Variants in MYO16 observed in about 807,000 individuals in gnomAD.
MYO16 encodes unconventional myosin-XVI.
In MYO16, 94 loss-of-function variants were observed where a neutral mutation model predicts 205.3. The ratio of observed to expected loss-of-function variants is 0.46; its 90% confidence interval spans 0.39 to 0.54. The LOEUF is 0.54. Ranked by LOEUF, MYO16 falls within the 20% of genes least tolerant of loss-of-function variation. The pLI is 0.00. For missense variants in MYO16, 2,315 were observed against 2,387.5 expected, an observed-to-expected ratio of 0.97 and a Z score of 0.63; for synonymous variants, 988 against 954.0, an observed-to-expected ratio of 1.04 and a Z score of -0.66.
chr13:108,721,850 T>C (rs1300108585), intron 3 of MYO16, among the ~76,000 whole-genome samples: 1 of 152,094 alleles, frequency 6.6e-6, no homozygotes, highest in Non-Finnish European at 1.5e-5. Context: ...GAAGTGGAAA[T>C]TGGGCTGGGT....
chr13:109,076,060 G>T (rs369573873), intron 27 of MYO16, among the ~76,000 whole-genome samples: 4 of 152,026 alleles, frequency 2.6e-5, no homozygotes, highest in African/African-American at 9.7e-5. Flanking sequence ...TCTGTGAGTG[G>T]GTACCAGTAC....
At chr13:108,556,087 A>T in the MYO16 span, among the ~76,000 whole-genome samples, 1 of 152,200 alleles carries the variant, frequency 6.6e-6, no homozygotes, top group African/African-American at 2.4e-5. Flanking sequence ...ATTATGAATA[A>T]TGATGCAATG....
intron 25 of MYO16, chr13:109,054,309 G>A (rs1362101452): frequency 2.5e-6 from 1 of 403,646 alleles, no homozygotes; most frequent in South Asian, 1.8e-5. Context: ...TTTACAGATA[G>A]GTAATTTAGT....
intron 14 of MYO16, among the ~76,000 whole-genome samples, chr13:108,895,071 C>T (rs1003053017): frequency 6.6e-6 from 1 of 152,048 alleles, no homozygotes; most frequent in South Asian, 2.1e-4. Flanking sequence ...GGGTTGATAT[C>T]GATTGAGTTA....
the MYO16 span, among the ~76,000 whole-genome samples, chr13:108,533,080 A>G: frequency 6.6e-6 from 1 of 152,166 alleles, no homozygotes; most frequent in African/African-American, 2.4e-5. Flanking sequence ...CTTTCAAATT[A>G]TGAAGCATGG....
At chr13:109,105,199 A>G (rs1342952671) in intron 28 of MYO16, among the ~76,000 whole-genome samples, 1 of 152,276 alleles carries the variant, frequency 6.6e-6, no homozygotes, top group Non-Finnish European at 1.5e-5. Context: ...GGCTGGGCGC[A>G]GTGGCTCATG....
intron 2 of MYO16, among the ~76,000 whole-genome samples, chr13:108,675,864 C>CT: frequency 1.3e-5 from 2 of 152,324 alleles, no homozygotes; most frequent in Middle Eastern, 6.8e-3. Flanking sequence ...GATCTGTACT[C>CT]TGATACTTAA....
intron 3 of MYO16, among the ~76,000 whole-genome samples, chr13:108,715,904 G>T (rs1883925333): frequency 6.6e-6 from 1 of 152,162 alleles, no homozygotes; most frequent in Non-Finnish European, 1.5e-5. Context: ...ATAATTAATG[G>T]AATATGTGGC....
intron 4 of MYO16, among the ~76,000 whole-genome samples, chr13:108,754,916 G>A (rs1885371889): frequency 6.6e-6 from 1 of 152,012 alleles, no homozygotes; most frequent in Non-Finnish European, 1.5e-5. Context: ...AAACACAGCA[G>A]GACCATATAC....
intron 27 of MYO16, among the ~76,000 whole-genome samples, chr13:109,067,525 C>T (rs919333846): frequency 1.3e-5 from 2 of 152,144 alleles, no homozygotes; most frequent in African/African-American, 4.8e-5. Context: ...TTGTTGGTTC[C>T]AATTCTTCCA....
chr13:108,973,739 C>A (rs1404439167), intron 20 of MYO16, among the ~76,000 whole-genome samples: 1 of 152,154 alleles, frequency 6.6e-6, no homozygotes, highest in Non-Finnish European at 1.5e-5. Context: ...TCATCCCTAG[C>A]ATCTGACAGC....
intron 33 of MYO16, among the ~76,000 whole-genome samples, chr13:109,175,961 A>G (rs1458331407): frequency 6.6e-6 from 1 of 152,180 alleles, no homozygotes; most frequent in Non-Finnish European, 1.5e-5. Flanking sequence ...GTTAAAAAAA[A>G]AAAAGTTCTT....
chr13:108,652,967 C>T (rs907999539), intron 1 of MYO16, among the ~76,000 whole-genome samples: 3 of 152,218 alleles, frequency 2.0e-5, no homozygotes, highest in African/African-American at 7.2e-5. Context: ...ATACTCCAAA[C>T]TGTTTTTCAC....
intron 22 of MYO16, among the ~76,000 whole-genome samples, chr13:109,010,278 C>T (rs1262756860): frequency 6.6e-6 from 1 of 152,032 alleles, no homozygotes; most frequent in African/African-American, 2.4e-5. Flanking sequence ...GGCTTATTTC[C>T]CTAGGTTCTA....
chr13:108,976,744 C>T (rs1884272865), intron 20 of MYO16, among the ~76,000 whole-genome samples: 1 of 152,100 alleles, frequency 6.6e-6, no homozygotes, highest in African/African-American at 2.4e-5. Flanking sequence ...ATACGCTTAT[C>T]CCGACTTTTC....
chr13:108,619,062 G>C (rs1213771948), intron 1 of MYO16, among the ~76,000 whole-genome samples: 1 of 151,530 alleles, frequency 6.6e-6, no homozygotes, highest in Non-Finnish European at 1.5e-5. Flanking sequence ...TAAATAAACA[G>C]AGTCATAAAT....
At chr13:108,926,666 T>C (rs1347395950) in intron 16 of MYO16, among the ~76,000 whole-genome samples, 1 of 151,698 alleles carries the variant, frequency 6.6e-6, no homozygotes, top group Non-Finnish European at 1.5e-5. Context: ...AAAGGAGAAA[T>C]AGGAGTGATG....
At position 108,799,226 on chromosome 13, in the gene MYO16, A is replaced by G. The variant is rs141991186; in HGVS notation, c.741+5586A>G. Among the ~76,000 whole-genome samples, 117 of 152,352 alleles carry G rather than the reference A, an allele frequency of 7.7e-4. No individual in the cohort carries two copies. In the South Asian group the frequency reaches 0.01, roughly 13 times the overall value. On this transcript the variant is annotated intron_variant, in intron 6 of 34. Coordinates refer to ENST00000457511, the MANE Select transcript of MYO16 (RefSeq NM_001198950.3). ...ATTAAAGTGTCCAATCCCATATTAT[A>G]ATTAAAACTCTCAAGTCAGGAGTTG...
chr13:108,775,968 C>T (rs1276236777), intron 4 of MYO16, among the ~76,000 whole-genome samples: 1 of 152,128 alleles, frequency 6.6e-6, no homozygotes, highest in East Asian at 1.9e-4. Context: ...GTTTGAAATC[C>T]CTGAGTCTCA....
Sources: allele counts gnomAD v4.1 joint callset (sites outside exome capture counted in the v4.1 genomes callset), GRCh38; gene constraint gnomAD v4.1.1; transcripts MANE v1.5; gene names NCBI Gene and HGNC (gene_info 2026-07-23, HGNC 2026-07-21).